FCRL2: variants seen among roughly 807,000 people sequenced by gnomAD.
The protein encoded by FCRL2 is Fc receptor-like protein 2.
FCRL2 carries 48 observed loss-of-function variants against 59.8 expected under a neutral mutation model. The observed-to-expected ratio is 0.80, with a 90% CI of 0.64 to 1.02. The LOEUF (loss-of-function observed/expected upper bound fraction) is 1.02, where lower values mean the gene tolerates loss of function less well. Ranked by LOEUF, FCRL2 falls within the 50% of genes least tolerant of loss-of-function variation. The probability of loss-of-function intolerance (pLI) is 0.00; values close to 1 mark genes in which losing one functional copy is unlikely to be tolerated. For missense variants in FCRL2, 658 were observed against 597.3 expected, an observed-to-expected ratio of 1.10 and a Z score of -1.06; for synonymous variants, 251 against 229.5, an observed-to-expected ratio of 1.09 and a Z score of -0.85.
At chr1:157,758,693 A>C (rs1299223953) in intron 7 of FCRL2, among the ~76,000 whole-genome samples, 4 of 151,418 alleles carry the variant, frequency 2.6e-5, no homozygotes, top group Admixed American at 6.6e-5. Context: ...AAAAAAAAAA[A>C]AAAAAAAAAC....
At chr1:157,765,818 A>G (rs967280556) in intron 7 of FCRL2, among the ~76,000 whole-genome samples, 34 of 152,334 alleles carry the variant, frequency 2.2e-4, no homozygotes, top group South Asian at 4.1e-4. Flanking sequence ...ACATAATAAA[A>G]TTGTTGTAGA....
In FCRL2 at chr1:157,770,174, C is replaced by T. The variant is rs764360662; in HGVS notation, c.311-24G>A. On this transcript the variant is annotated intron_variant, in intron 3 of 11. Coordinates refer to ENST00000361516, the MANE Select transcript of FCRL2 (RefSeq NM_030764.4). ...CTCTAGAGAGAAGGATCACAATAGTCCCCAAAGCAGTGACAGCTAAGATTC... is the reference window on the plus strand; with the variant it reads ...CTCTAGAGAGAAGGATCACAATAGTTCCCAAAGCAGTGACAGCTAAGATTC... 33 of 1,603,674 alleles carry T rather than the reference C, an allele frequency of 2.1e-5. No individual in the cohort carries two copies. The South Asian group carries it at 3.4e-4, about 17-fold the overall frequency.
intron 2 of FCRL2, chr1:157,774,309 A>G: frequency 2.6e-6 from 1 of 378,936 alleles, no homozygotes; most frequent in Non-Finnish European, 5.2e-6. Context: ...ACTTTTCCCC[A>G]GAGCCAAGAC....
chr1:157,757,897 G>T (rs12089362), intron 7 of FCRL2, among the ~76,000 whole-genome samples: 2,701 of 152,326 alleles, frequency 0.018, 71 homozygotes, highest in African/African-American at 0.061. Flanking sequence ...AGGAGGCAGA[G>T]CTTGCAGTGA....
chr1:157,768,649 C>T lies in FCRL2; in HGVS notation c.648G>A (p.Val216=). The T allele has an allele frequency of 3.1e-6, 5 of 1,614,126 alleles. No homozygotes were observed. Among genetic ancestry groups the T allele is most frequent in the Non-Finnish European group, 4.2e-6 (5 of 1,179,992 alleles). Residue 216 remains valine, a synonymous_variant, in exon 5 of 12, where the codon GTG becomes GTA. Transcript: ENST00000361516. ...SLEIRAPGGQ[V]TEGQKLILLC... The stretch of plus-strand genomic sequence containing the variant: ...GCAGGATCAGTTTTTGTCCTTCAGT[C>T]ACCTGTCCCCCGGGGGCCCGGATCT...
At chr1:157,749,767 G>T in intron 7 of FCRL2, 90 bp from the exon 8 acceptor site, 1 of 962,706 alleles carries the variant, frequency 1.0e-6, no homozygotes, top group Non-Finnish European at 1.6e-6. Flanking sequence ...TAATCAGCTG[G>T]TAAGACATAA....
At chr1:157,768,322 C>T in intron 5 of FCRL2, 92 bp downstream of exon 5, 1 of 1,372,598 alleles carries the variant, frequency 7.3e-7, no homozygotes, top group Non-Finnish European at 1.0e-6. Flanking sequence ...CAGCACTAAT[C>T]CCTGGGGCCT....
chr1:157,770,478 A>C lies in FCRL2; in HGVS notation c.241T>G (p.Phe81Val). ...AAGAGTTGTCCTTTGGTACTACAGA[A>C]ATAGTTACCACTGTCACTTAAAACT... ...SAVLSDSGNY[F>V]CSTKGQLFLW... is the part of the protein sequence containing the mutation. Residue 81 changes from phenylalanine (F) to valine (V), a missense_variant, in exon 3 of 12, where the codon TTC becomes GTC. Coordinates refer to ENST00000361516, the MANE Select transcript of FCRL2 (RefSeq NM_030764.4). 6.2e-7 allele frequency: 1 copy of C among 1,613,930 alleles called. No individual in the cohort carries two copies. The highest frequency in any genetic ancestry group is 8.5e-7 in the Non-Finnish European group (1 of 1,179,766).
chr1:157,750,327 T>C (rs989417291), intron 7 of FCRL2, among the ~76,000 whole-genome samples: 4 of 152,204 alleles, frequency 2.6e-5, no homozygotes, highest in African/African-American at 9.6e-5. Context: ...CAATGCCACA[T>C]AGATGTATAT....
chr1:157,754,641 T>C (rs1289566260), intron 7 of FCRL2, among the ~76,000 whole-genome samples: 2 of 151,796 alleles, frequency 1.3e-5, no homozygotes, highest in East Asian at 3.9e-4. Context: ...GATCAAAAAT[T>C]TAAGCATAAA....
At chr1:157,763,954 C>T (rs1030897569) in intron 7 of FCRL2, among the ~76,000 whole-genome samples, 1 of 145,556 alleles carries the variant, frequency 6.9e-6, no homozygotes, top group Admixed American at 7.1e-5. Context: ...GGAGTGAACT[C>T]GGGAGGCTGA....
intron 7 of FCRL2, among the ~76,000 whole-genome samples, chr1:157,754,583 G>A (rs1469803217): frequency 6.6e-6 from 1 of 152,026 alleles, no homozygotes; most frequent in African/African-American, 2.4e-5. Context: ...TGAGATTCAA[G>A]AACCCTCTCT....
At chr1:157,748,171 C>A (rs1423265459) in intron 10 of FCRL2, among the ~76,000 whole-genome samples, 1 of 152,084 alleles carries the variant, frequency 6.6e-6, no homozygotes, top group African/African-American at 2.4e-5. Flanking sequence ...GTAATCCCAG[C>A]ACTTTGGGAG....
At chr1:157,776,350 A>G (rs1367883400) in intron 1 of FCRL2, among the ~76,000 whole-genome samples, 1 of 151,882 alleles carries the variant, frequency 6.6e-6, no homozygotes, top group South Asian at 2.1e-4. Flanking sequence ...GCTCACCACA[A>G]CCTCCACCTC....
At chr1:157,757,842 G>T (rs192288946) in intron 7 of FCRL2, among the ~76,000 whole-genome samples, 2,694 of 152,302 alleles carry the variant, frequency 0.018, 71 homozygotes, top group African/African-American at 0.061. Flanking sequence ...GACGCCTGCA[G>T]TCCCAGCTAC....
At chr1:157,768,088 A>G in intron 5 of FCRL2, 1 of 261,090 alleles carries the variant, frequency 3.8e-6, no homozygotes, top group Non-Finnish European at 7.2e-6. Context: ...CATAAAATGA[A>G]GCAGGCTGTT....
At chr1:157,763,308 AG>A (rs1183813361) in intron 7 of FCRL2, among the ~76,000 whole-genome samples, 1 of 151,474 alleles carries the variant, frequency 6.6e-6, no homozygotes, top group Non-Finnish European at 1.5e-5. Flanking sequence ...GGGTCATTTG[AG>A]GTCACGAGTT....
chr1:157,761,155 C>T (rs547803617), intron 7 of FCRL2, among the ~76,000 whole-genome samples: 2 of 152,190 alleles, frequency 1.3e-5, no homozygotes, highest in African/African-American at 4.8e-5. Context: ...TAACACCTTA[C>T]TGACATAGGT....
At chr1:157,749,094 G>A in intron 8 of FCRL2, 134 bp from the exon 9 acceptor site, 1 of 662,462 alleles carries the variant, frequency 1.5e-6, no homozygotes, top group Non-Finnish European at 2.6e-6. Flanking sequence ...ATGGCCCTTT[G>A]TGTAGACTAT....
Sources: allele counts gnomAD v4.1 joint callset (sites outside exome capture counted in the v4.1 genomes callset), GRCh38; gene constraint gnomAD v4.1.1; transcripts MANE v1.5; gene names NCBI Gene and HGNC (gene_info 2026-07-23, HGNC 2026-07-21).